The following TRHDE variants were observed in gnomAD, a reference collection of about 807,000 sequenced individuals.
TRHDE encodes thyrotropin-releasing hormone-degrading ectoenzyme.
In TRHDE, 72 loss-of-function variants were observed where a neutral mutation model predicts 125.7. The ratio of observed to expected loss-of-function variants is 0.57; its 90% confidence interval spans 0.47 to 0.70. TRHDE has a LOEUF of 0.70. Ranked by LOEUF, TRHDE falls within the 30% of genes least tolerant of loss-of-function variation. The probability of loss-of-function intolerance (pLI) is 0.00; values close to 1 mark genes in which losing one functional copy is unlikely to be tolerated. For missense variants in TRHDE, 1,110 were observed against 1,327.1 expected, an observed-to-expected ratio of 0.84 and a Z score of 2.54; for synonymous variants, 509 against 509.1, an observed-to-expected ratio of 1.00 and a Z score of 0.00.
rs556273537 is a variant in TRHDE at position 72,157,649 on chromosome 12, G to A, written n.279+51897G>A. ...GGTGAATGGTGGTGCTAGTTTTAGAGTTGGGGAAGACCATGGAAGAAAATG... is the reference window on the plus strand; with the variant it reads ...GGTGAATGGTGGTGCTAGTTTTAGAATTGGGGAAGACCATGGAAGAAAATG... On this transcript the variant is annotated intron_variant and non_coding_transcript_variant, in intron 2 of 4. Coordinates refer to the TRHDE transcript ENST00000548156. Among the ~76,000 whole-genome samples, 70 of 152,326 alleles carry A rather than the reference G, an allele frequency of 4.6e-4. No individual in the cohort carries two copies. In the South Asian group the frequency reaches 5.4e-3, roughly 12 times the overall value.
intron 2 of TRHDE, among the ~76,000 whole-genome samples, chr12:72,318,963 G>A (rs1418266976): frequency 1.3e-5 from 2 of 152,058 alleles, no homozygotes; most frequent in Admixed American, 1.3e-4. Context: ...ATTCTCTCCC[G>A]AATCGACATA....
intron 5 of TRHDE, among the ~76,000 whole-genome samples, chr12:72,492,363 C>T (rs1466300206): frequency 1.3e-5 from 2 of 151,798 alleles, no homozygotes; most frequent in Non-Finnish European, 2.9e-5. Context: ...CATTATAGAA[C>T]TTTATAAACA....
intron 3 of TRHDE, among the ~76,000 whole-genome samples, chr12:72,395,211 A>G (rs940203873): frequency 9.2e-5 from 14 of 151,898 alleles, no homozygotes; most frequent in African/African-American, 2.7e-4. Context: ...TCCTTCTCCA[A>G]TGAGGTTACT....
intron 2 of TRHDE, among the ~76,000 whole-genome samples, chr12:72,212,049 T>G (rs1045285217): frequency 1.2e-4 from 18 of 152,136 alleles, no homozygotes; most frequent in African/African-American, 4.3e-4. Context: ...TTAGAATACA[T>G]TCACAGAAAA....
intron 2 of TRHDE, among the ~76,000 whole-genome samples, chr12:72,112,895 T>A (rs1192444211): frequency 6.6e-6 from 1 of 152,210 alleles, no homozygotes; most frequent in African/African-American, 2.4e-5. Flanking sequence ...TTCACAGGCC[T>A]AAGGTGAACC....
At chr12:72,373,322 T>C (rs368610674) in intron 2 of TRHDE, among the ~76,000 whole-genome samples, 10,803 of 152,066 alleles carry the variant, frequency 0.071, 509 homozygotes, top group Non-Finnish European at 0.11. Flanking sequence ...GATATACAAT[T>C]ATGTCATCTG....
At chr12:72,250,732 A>G (rs1592500036) in intron 2 of TRHDE, among the ~76,000 whole-genome samples, 1 of 151,600 alleles carries the variant, frequency 6.6e-6, no homozygotes, top group East Asian at 1.9e-4. Context: ...GCCAGAGAAA[A>G]GGCCAGAGAT....
At chr12:72,383,479 T>C (rs1433674304) in intron 3 of TRHDE, among the ~76,000 whole-genome samples, 5 of 149,888 alleles carry the variant, frequency 3.3e-5, no homozygotes, top group African/African-American at 4.9e-5. Flanking sequence ...CGGGTTCAGC[T>C]GATTCTCCTG....
chr12:72,579,431 C>G (rs868791034), intron 12 of TRHDE, among the ~76,000 whole-genome samples: 38 of 152,068 alleles, frequency 2.5e-4, no homozygotes, highest in African/African-American at 8.7e-4. Context: ...AAATTAAAAA[C>G]AAAAGATTAA....
intron 2 of TRHDE, among the ~76,000 whole-genome samples, chr12:72,107,367 A>G (rs147020265): frequency 2.4e-3 from 362 of 152,152 alleles, no homozygotes; most frequent in Non-Finnish European, 3.6e-3. Flanking sequence ...TTTGGTACCA[A>G]TGGGGTTTAT....
chr12:72,495,563 T>A lies in TRHDE; in HGVS notation c.1585-3935T>A, dbSNP rs369624331. Among the ~76,000 whole-genome samples, 76 of 152,254 alleles carry A rather than the reference T, an allele frequency of 5.0e-4. 1 individual carries two copies. The South Asian group carries it at 0.015, about 31-fold the overall frequency. ...AATTAATCATTTCATCCTCTGTGTT[T>A]TATAGCATCCATCATATTATATTAC... On this transcript the variant is annotated intron_variant, in intron 5 of 18. Coordinates refer to ENST00000261180, the MANE Select transcript of TRHDE (RefSeq NM_013381.3).
intron 5 of TRHDE, among the ~76,000 whole-genome samples, chr12:72,474,187 TA>T: frequency 6.6e-6 from 1 of 152,224 alleles, no homozygotes. Context: ...TGTACATTCA[TA>T]AAACAAATGG....
upstream of TRHDE, among the ~76,000 whole-genome samples, chr12:72,270,660 T>A (rs1405383629): frequency 8.5e-5 from 13 of 152,232 alleles, no homozygotes; most frequent in Admixed American, 3.3e-4. Context: ...TTCACTTTTT[T>A]AATTAACCCA....
At chr12:72,240,862 G>A (rs1025572292) in intron 2 of TRHDE, among the ~76,000 whole-genome samples, 1 of 152,080 alleles carries the variant, frequency 6.6e-6, no homozygotes, top group African/African-American at 2.4e-5. Context: ...ATGAGCCACC[G>A]CGCCTGGCCT....
chr12:72,650,177 A>G (rs1874449256), intron 15 of TRHDE, among the ~76,000 whole-genome samples: 1 of 152,156 alleles, frequency 6.6e-6, no homozygotes, highest in African/African-American at 2.4e-5. Context: ...GTGTACACAT[A>G]CAATGAAATA....
At chr12:72,196,759 C>T (rs1299125910) in intron 2 of TRHDE, among the ~76,000 whole-genome samples, 1 of 152,050 alleles carries the variant, frequency 6.6e-6, no homozygotes, top group East Asian at 1.9e-4. Context: ...CTCTTACTTA[C>T]TAAGTTGTAC....
chr12:72,499,538 T>C lies in TRHDE; in HGVS notation c.1625T>C (p.Met542Thr). The C allele has an allele frequency of 1.2e-6, 2 of 1,613,846 alleles. No homozygotes were observed. The highest frequency in any genetic ancestry group is 1.7e-6 in the Non-Finnish European group (2 of 1,179,844). Residue 542 changes from methionine (M) to threonine (T), a missense_variant, in exon 6 of 19, where the codon ATG (methionine) becomes ACG (threonine). Met to Thr is a moderately conservative substitution (Grantham distance 81). This residue lies in a region of TRHDE where 527 missense variants were observed against 651.8 expected (regional missense o/e 0.81). Transcript: ENST00000261180. Reference protein sequence around the residue: ...RFLTDVLHEVMLLDGLASSHP... With the variant: ...RFLTDVLHEVTLLDGLASSHP... ...CTGACCGATGTTCTGCATGAAGTGA[T>C]GCTGCTGGACGGTTTGGCCAGTTCC...
chr12:72,263,793 T>A (rs1257611556), intron 2 of TRHDE: 1 of 152,084 alleles, frequency 6.6e-6, no homozygotes, highest in Non-Finnish European at 1.5e-5. Flanking sequence ...ACTTAAAACT[T>A]TTTTGTTGTT....
intron 12 of TRHDE, among the ~76,000 whole-genome samples, chr12:72,616,278 G>A (rs199723304): frequency 1.3e-5 from 2 of 151,804 alleles, no homozygotes; most frequent in East Asian, 1.9e-4. Flanking sequence ...CATATTAAGC[G>A]ACTAAAGAAT....
Sources: gnomAD v4.1 joint callset for allele counts (sites outside exome capture counted in the v4.1 genomes callset) on GRCh38, gnomAD v4.1.1 for gene constraint, gnomAD v4.1.1 regional missense constraint, MANE v1.5 for transcripts, NCBI Gene and HGNC (gene_info 2026-07-23, HGNC 2026-07-21) for gene names.